Variants in SMIM45 observed in about 807,000 individuals in gnomAD.
SMIM45 encodes the protein long intergenic non-protein coding RNA 634.
the SMIM45 span, among the ~76,000 whole-genome samples, chr22:41,955,217 G>A: frequency 7.3e-5 from 11 of 149,936 alleles, no homozygotes; most frequent in Non-Finnish European, 1.6e-4. Flanking sequence ...TTTCACTCTT[G>A]TTGCCCAGGC....
chr22:41,948,709 G>T, the SMIM45 span, among the ~76,000 whole-genome samples: 1 of 152,114 alleles, frequency 6.6e-6, no homozygotes, highest in African/African-American at 2.4e-5. Flanking sequence ...CTTGAGGCCG[G>T]GAGTTTGAGG....
chr22:41,950,917 G>A, the SMIM45 span, among the ~76,000 whole-genome samples: 5 of 152,064 alleles, frequency 3.3e-5, no homozygotes, highest in East Asian at 3.9e-4. Flanking sequence ...GCTTGAACCC[G>A]GGAGGTAGAG....
At chr22:41,958,188 C>T in the SMIM45 span, 1 of 407,258 alleles carries the variant, frequency 2.5e-6, no homozygotes. Flanking sequence ...TTGCGCTGCG[C>T]AGCACTCTGC....
the SMIM45 span, among the ~76,000 whole-genome samples, chr22:41,955,750 G>C: frequency 6.7e-6 from 1 of 149,268 alleles, no homozygotes; most frequent in African/African-American, 2.5e-5. Flanking sequence ...AGCTTGCAGT[G>C]AGCCGAGATG....
the SMIM45 span, chr22:41,958,428 T>G: frequency 1.6e-5 from 7 of 449,970 alleles, no homozygotes; most frequent in Non-Finnish European, 2.7e-5. Context: ...CTGGTGAGGG[T>G]GTGTGGTGGG....
At chr22:41,949,740 G>A in the SMIM45 span, among the ~76,000 whole-genome samples, 11 of 152,320 alleles carry the variant, frequency 7.2e-5, no homozygotes, top group African/African-American at 2.6e-4. Flanking sequence ...CACTGCAGTT[G>A]GGGAGGCCAT....
chr22:41,947,075 A>G, the SMIM45 span: 1 of 1,612,812 alleles, frequency 6.2e-7, no homozygotes, highest in Non-Finnish European at 8.5e-7. Flanking sequence ...CAACACCGAC[A>G]TCACAGCCGC....
the SMIM45 span, chr22:41,957,979 G>C: frequency 2.2e-5 from 3 of 133,342 alleles, no homozygotes; most frequent in Non-Finnish European, 4.6e-5. Context: ...CCCCAAGGCA[G>C]AGGGAGGCCG....
the SMIM45 span, among the ~76,000 whole-genome samples, chr22:41,948,708 G>A: frequency 2.0e-5 from 3 of 151,846 alleles, no homozygotes; most frequent in Admixed American, 6.6e-5. Context: ...ACTTGAGGCC[G>A]GGAGTTTGAG....
the SMIM45 span, chr22:41,958,855 GCAA>G: frequency 6.3e-6 from 1 of 159,952 alleles, no homozygotes; most frequent in African/African-American, 2.4e-5. Flanking sequence ...ACACAGATTG[GCAA>G]CCTGCCTCAC....
At chr22:41,955,832 G>T in the SMIM45 span, among the ~76,000 whole-genome samples, 1 of 146,430 alleles carries the variant, frequency 6.8e-6, no homozygotes, top group Non-Finnish European at 1.5e-5. Flanking sequence ...AAAATTCAAA[G>T]TACCCTTAGG....
At chr22:41,948,318 C>G in the SMIM45 span, among the ~76,000 whole-genome samples, 1 of 152,172 alleles carries the variant, frequency 6.6e-6, no homozygotes, top group South Asian at 2.1e-4. Flanking sequence ...TTTCCTATGC[C>G]CAGACCCAAT....
the SMIM45 span, among the ~76,000 whole-genome samples, chr22:41,957,181 CTTTTTTTTTTTT>C: frequency 2.5e-4 from 15 of 59,294 alleles, 1 homozygote; most frequent in East Asian, 5.0e-4. Context: ...ACCACGTGGT[CTTTTTTTTTTTT>C]TTTTTTTTTT....
the SMIM45 span, chr22:41,947,088 G>A: frequency 4.3e-6 from 7 of 1,612,690 alleles, no homozygotes; most frequent in South Asian, 1.1e-5. Context: ...ACAGCCGCAG[G>A]ACCAACCGTT....
At chr22:41,958,140 C>A in the SMIM45 span, 13 of 352,036 alleles carry the variant, frequency 3.7e-5, no homozygotes, top group Admixed American at 1.1e-4. Flanking sequence ...GCCCACCCTC[C>A]CAAGCTCAGG....
chr22:41,956,450 GTGTTTGT>G, the SMIM45 span, among the ~76,000 whole-genome samples: 7 of 152,186 alleles, frequency 4.6e-5, no homozygotes, highest in African/African-American at 1.7e-4. Flanking sequence ...CCTTCAATGG[GTGTTTGT>G]TCACTACACT....
chr22:41,954,866 G>A, the SMIM45 span, among the ~76,000 whole-genome samples: 1 of 152,110 alleles, frequency 6.6e-6, no homozygotes, highest in Non-Finnish European at 1.5e-5. Flanking sequence ...AACTACCTGG[G>A]CATGGTGGCA....
chr22:41,947,927 G>A, the SMIM45 span, among the ~76,000 whole-genome samples: 2 of 152,110 alleles, frequency 1.3e-5, no homozygotes, highest in East Asian at 3.9e-4. Flanking sequence ...ACACCAGCAG[G>A]CCCTGCCAAT....
chr22:41,950,916 C>T, the SMIM45 span, among the ~76,000 whole-genome samples: 2 of 152,200 alleles, frequency 1.3e-5, no homozygotes, highest in Non-Finnish European at 2.9e-5. Context: ...CGCTTGAACC[C>T]GGGAGGTAGA....
Sources: allele counts gnomAD v4.1 joint callset (sites outside exome capture counted in the v4.1 genomes callset), GRCh38; gene constraint gnomAD v4.1.1; transcripts MANE v1.5; gene names NCBI Gene and HGNC (gene_info 2026-07-23, HGNC 2026-07-21).